Variants in OPCML observed in about 807,000 individuals in gnomAD.
OPCML encodes the protein opioid-binding protein/cell adhesion molecule.
In OPCML, 13 loss-of-function variants were observed where a neutral mutation model predicts 37.8. That is an observed-to-expected ratio of 0.34 (90% CI 0.22 to 0.55). OPCML has a LOEUF of 0.55. OPCML is among the 20% of genes least tolerant of loss of function. The pLI, the probability that OPCML is intolerant of heterozygous loss-of-function variation, is 0.91. For synonymous variants in OPCML, 176 were observed against 168.8 expected, an observed-to-expected ratio of 1.04 and a Z score of -0.33; for missense variants, 341 against 435.6, an observed-to-expected ratio of 0.78 and a Z score of 1.93.
At chr11:132,638,565 A>G (rs573262172) in intron 3 of OPCML, among the ~76,000 whole-genome samples, 1 of 152,262 alleles carries the variant, frequency 6.6e-6, no homozygotes, top group South Asian at 2.1e-4. Context: ...GGAGGTCACA[A>G]GATATGTAAC....
chr11:133,334,241 T>G (rs961475083), intron 1 of OPCML, among the ~76,000 whole-genome samples: 8 of 152,054 alleles, frequency 5.3e-5, no homozygotes, highest in African/African-American at 1.9e-4. Flanking sequence ...GGAATCAACC[T>G]AAATGCCCAT....
At chr11:132,463,888 G>T (rs2096111343) in intron 4 of OPCML, among the ~76,000 whole-genome samples, 1 of 152,132 alleles carries the variant, frequency 6.6e-6, no homozygotes, top group Non-Finnish European at 1.5e-5. Context: ...AAGAGACCTA[G>T]GTTCAAACAC....
At chr11:133,021,077 C>T (rs2136901373) in intron 1 of OPCML, among the ~76,000 whole-genome samples, 1 of 152,264 alleles carries the variant, frequency 6.6e-6, no homozygotes, top group South Asian at 2.1e-4. Context: ...CTCCTTACTT[C>T]ATTCCTTCAG....
At chr11:132,739,754 C>A (rs1341583826) in intron 2 of OPCML, among the ~76,000 whole-genome samples, 4 of 152,284 alleles carry the variant, frequency 2.6e-5, no homozygotes, top group East Asian at 3.9e-4. Flanking sequence ...ATGATGTTAT[C>A]TCTCAAATGT....
At chr11:133,364,852 G>T (rs748776601) in intron 1 of OPCML, among the ~76,000 whole-genome samples, 1 of 152,086 alleles carries the variant, frequency 6.6e-6, no homozygotes, top group Non-Finnish European at 1.5e-5. Flanking sequence ...CTTGTGGGGG[G>T]TGTGTGGTGA....
At chr11:133,089,891 G>A (rs561822391) in intron 1 of OPCML, among the ~76,000 whole-genome samples, 9 of 152,278 alleles carry the variant, frequency 5.9e-5, no homozygotes, top group East Asian at 1.9e-4. Flanking sequence ...CACATGCCAC[G>A]TACTTTGGCA....
chr11:132,556,580 A>C (rs898657366), intron 3 of OPCML, among the ~76,000 whole-genome samples: 1 of 152,206 alleles, frequency 6.6e-6, no homozygotes, highest in Non-Finnish European at 1.5e-5. Flanking sequence ...GGCAGCTTGC[A>C]GAAACTTCCT....
chr11:133,092,344 T>C (rs764505271), intron 1 of OPCML, among the ~76,000 whole-genome samples: 1 of 152,162 alleles, frequency 6.6e-6, no homozygotes, highest in Non-Finnish European at 1.5e-5. Context: ...GAGCTGGGCA[T>C]CTAATACAAG....
intron 4 of OPCML, among the ~76,000 whole-genome samples, chr11:132,522,879 T>G (rs1029647125): frequency 6.6e-6 from 1 of 152,328 alleles, no homozygotes; most frequent in Admixed American, 6.5e-5. Context: ...CTTCTAAAAC[T>G]TTCTCTTTAG....
At chr11:133,414,532 A>C (rs1945719557) in intron 1 of OPCML, among the ~76,000 whole-genome samples, 1 of 152,112 alleles carries the variant, frequency 6.6e-6, no homozygotes, top group Admixed American at 6.5e-5. Flanking sequence ...TAGAGAGTTG[A>C]CAAAAATAAA....
At chr11:132,947,392 C>A (rs1302796918) in intron 1 of OPCML, among the ~76,000 whole-genome samples, 3 of 152,208 alleles carry the variant, frequency 2.0e-5, no homozygotes, top group Admixed American at 6.5e-5. Context: ...AATAAGGTAT[C>A]TGGAGTCCTA....
chr11:132,828,126 G>T (rs958846716), intron 2 of OPCML, among the ~76,000 whole-genome samples: 17 of 152,120 alleles, frequency 1.1e-4, no homozygotes, highest in Non-Finnish European at 2.1e-4. Flanking sequence ...GTCGCTAAGT[G>T]GAAAAGGCCA....
chr11:132,642,688 T>C (rs1457839560), intron 3 of OPCML, among the ~76,000 whole-genome samples: 1 of 152,142 alleles, frequency 6.6e-6, no homozygotes, highest in Non-Finnish European at 1.5e-5. Context: ...CTATAGAGGG[T>C]TGCACCTTAA....
intron 1 of OPCML, among the ~76,000 whole-genome samples, chr11:133,514,351 A>C (rs1427464245): frequency 1.3e-5 from 2 of 152,186 alleles, no homozygotes. Context: ...TTGATTCTTT[A>C]GCTCCTAAGT....
At chr11:132,501,351 C>A (rs185177160) in intron 4 of OPCML, among the ~76,000 whole-genome samples, 8 of 152,296 alleles carry the variant, frequency 5.3e-5, no homozygotes, top group Admixed American at 4.6e-4. Context: ...ACACCAAAAG[C>A]AATTGCAACA....
In OPCML at chr11:133,177,825, T is replaced by A. The variant is rs1356775007; in HGVS notation, c.62-234815A>T. 1.3e-5 allele frequency among the ~76,000 whole-genome samples: 2 copies of A among 152,058 alleles called. No homozygotes were observed. Among genetic ancestry groups the A allele is most frequent in the African/African-American group, 4.8e-5 (2 of 41,398 alleles). ...GATATCAAAGCATCAAATTAAACAT[T>A]CAAGATCACTTACTGCAGACTTTCA... On this transcript the variant is annotated intron_variant, in intron 1 of 7. Coordinates refer to ENST00000524381, the MANE Select transcript of OPCML (RefSeq NM_001012393.5). The surrounding 1 kb of genome is among the most constrained non-coding windows in gnomAD (Gnocchi z 5.0).
intron 2 of OPCML, among the ~76,000 whole-genome samples, chr11:132,904,446 C>T (rs1300028864): frequency 2.6e-5 from 4 of 152,202 alleles, no homozygotes; most frequent in South Asian, 2.1e-4. Context: ...CTATTCTGAT[C>T]GAGTTGTCTA....
At chr11:133,122,049 C>T (rs1253182638) in intron 1 of OPCML, among the ~76,000 whole-genome samples, 1 of 152,152 alleles carries the variant, frequency 6.6e-6, no homozygotes. Context: ...ATTTTCAAGG[C>T]TCCCATATTC....
rs533174414 is a variant in OPCML, at chr11:132,499,505, T to C, written c.505+29556A>G. On this transcript the variant is annotated intron_variant, in intron 4 of 7. Transcript: ENST00000524381. ...TGCAGAGGGCAGAACCAGCTCAAGCTGAAAACCACTCATTTCACATAGATG... is the reference window on the plus strand; with the variant it reads ...TGCAGAGGGCAGAACCAGCTCAAGCCGAAAACCACTCATTTCACATAGATG... 2.0e-5 allele frequency among the ~76,000 whole-genome samples: 3 copies of C among 152,320 alleles called. No homozygotes were observed. In the East Asian group the frequency reaches 5.8e-4, roughly 29 times the overall value.
Sources: allele counts gnomAD v4.1 joint callset (sites outside exome capture counted in the v4.1 genomes callset), GRCh38; gene constraint gnomAD v4.1.1; non-coding constraint Gnocchi (gnomAD v3.1); transcripts MANE v1.5; gene names NCBI Gene and HGNC (gene_info 2026-07-23, HGNC 2026-07-21).